Variants in RNF130 observed in about 807,000 individuals in gnomAD.
RNF130 encodes the protein ring finger protein 130.
Under a neutral mutation model 44.6 loss-of-function variants are expected in RNF130, and 21 were observed. The ratio of observed to expected loss-of-function variants is 0.47; its 90% CI spans 0.33 to 0.68. The LOEUF is 0.68. RNF130 is among the 30% of genes least tolerant of loss of function. The pLI is 0.02. For missense variants in RNF130, 479 were observed against 560.6 expected, an observed-to-expected ratio of 0.85 and a Z score of 1.47; for synonymous variants, 214 against 210.4, an observed-to-expected ratio of 1.02 and a Z score of -0.15.
At chr5:179,935,167 T>C (rs1358405847) in intron 7 of RNF130, among the ~76,000 whole-genome samples, 1 of 152,222 alleles carries the variant, frequency 6.6e-6, no homozygotes, top group Non-Finnish European at 1.5e-5. Context: ...ATTCTAATTA[T>C]CTTTTTGTTA....
chr5:179,919,212 C>A (rs1435429365), exon 8 of RNF130: 2 of 152,244 alleles, frequency 1.3e-5, no homozygotes, highest in Non-Finnish European at 2.9e-5. Flanking sequence ...ATTTTCTCAT[C>A]ATGTTAATTC....
At chr5:180,029,366 C>T (rs562179855) in intron 2 of RNF130, among the ~76,000 whole-genome samples, 6 of 152,142 alleles carry the variant, frequency 3.9e-5, no homozygotes, top group Non-Finnish European at 8.8e-5. Flanking sequence ...AGCATCTCCA[C>T]TGAGAACAGC....
intron 1 of RNF130, among the ~76,000 whole-genome samples, chr5:180,046,418 CTT>C (rs1012362670): frequency 6.6e-6 from 1 of 152,028 alleles, no homozygotes; most frequent in Non-Finnish European, 1.5e-5. Context: ...CTCTCCTCCT[CTT>C]TGATTCATTT....
At chr5:180,020,000 G>A (rs1763835181) in intron 2 of RNF130, among the ~76,000 whole-genome samples, 1 of 152,146 alleles carries the variant, frequency 6.6e-6, no homozygotes. Context: ...GAGGGAAACT[G>A]GGAGAAAACT....
At chr5:179,987,000 T>C (rs1320548282) in intron 3 of RNF130, among the ~76,000 whole-genome samples, 1 of 152,230 alleles carries the variant, frequency 6.6e-6, no homozygotes, top group Non-Finnish European at 1.5e-5. Flanking sequence ...GTACACAAAC[T>C]TTGTATTCTC....
chr5:180,043,282 G>C (rs1009064314), intron 1 of RNF130, among the ~76,000 whole-genome samples: 1 of 152,210 alleles, frequency 6.6e-6, no homozygotes, highest in African/African-American at 2.4e-5. Flanking sequence ...CTATGATCAT[G>C]TCGCTGCACT....
At chr5:179,983,251 T>G (rs534798231) in intron 3 of RNF130, among the ~76,000 whole-genome samples, 48 of 152,320 alleles carry the variant, frequency 3.2e-4, no homozygotes, top group African/African-American at 1.1e-3. Flanking sequence ...CTTCCCCGTT[T>G]TCTCTTCTAG....
intron 8 of RNF130, among the ~76,000 whole-genome samples, chr5:179,956,792 C>T (rs756731008): frequency 6.6e-6 from 1 of 152,232 alleles, no homozygotes; most frequent in African/African-American, 2.4e-5. Flanking sequence ...TCAGTACGCA[C>T]ATGAGGGCAT....
intron 1 of RNF130, among the ~76,000 whole-genome samples, chr5:180,045,607 T>C (rs1034283022): frequency 1.3e-5 from 2 of 152,194 alleles, no homozygotes; most frequent in African/African-American, 4.8e-5. Context: ...AATTGGTCAA[T>C]TTTACAGAGA....
chr5:179,917,420 T>C (rs1171478419), exon 8 of RNF130: 2 of 151,984 alleles, frequency 1.3e-5, no homozygotes, highest in Non-Finnish European at 2.9e-5. Context: ...TTCAAACAGT[T>C]CCCCCCTCAA....
intron 1 of RNF130, among the ~76,000 whole-genome samples, chr5:180,063,152 C>T (rs540135561): frequency 6.6e-6 from 1 of 152,222 alleles, no homozygotes; most frequent in African/African-American, 2.4e-5. Context: ...CAAGCAGTAA[C>T]ATGACTGGGT....
rs1182581514 is a variant in RNF130 at position 179,978,208 on chromosome 5, G to A, written c.843C>T (p.Pro281=). Residue 281 remains proline (P), a synonymous_variant, in exon 5 of 9, where the codon CCC becomes CCT. Coordinates refer to ENST00000521389, the MANE Select transcript of RNF130 (RefSeq NM_018434.6). ...AACAAATGAAGTTGACATACTTGCA[G>A]GGGAGAATTCGGACGACATCATTCT... is the stretch of plus-strand genomic sequence containing the variant. ...YKQNDVVRIL[P]CKHVFHKSCV... The A allele has an allele frequency of 1.2e-6, 2 of 1,610,884 alleles. No individual in the cohort carries two copies. The highest frequency in any genetic ancestry group is 1.7e-6 in the Non-Finnish European group (2 of 1,176,994).
At chr5:180,071,373 C>G in intron 1 of RNF130, 83 bp downstream of exon 1, 1 of 1,199,522 alleles carries the variant, frequency 8.3e-7, no homozygotes, top group Non-Finnish European at 1.0e-6. Context: ...GAGCCAGGGC[C>G]AGAGCCGGGG....
intron 3 of RNF130, among the ~76,000 whole-genome samples, chr5:179,991,608 T>C (rs571634248): frequency 2.6e-5 from 4 of 152,310 alleles, no homozygotes; most frequent in African/African-American, 4.8e-5. Context: ...GGGATGTTTT[T>C]CTTCCACTTG....
At chr5:180,058,523 G>C (rs976280453) in intron 1 of RNF130, among the ~76,000 whole-genome samples, 1 of 152,120 alleles carries the variant, frequency 6.6e-6, no homozygotes, top group African/African-American at 2.4e-5. Context: ...TGCGGCAGAG[G>C]GGGTAATGGA....
chr5:179,968,100 C>A (rs1762490659), intron 6 of RNF130, among the ~76,000 whole-genome samples: 1 of 150,784 alleles, frequency 6.6e-6, no homozygotes, highest in Non-Finnish European at 1.5e-5. Flanking sequence ...TCGAGACCAT[C>A]CTGGCTAACA....
At chr5:179,932,399 A>G (rs1761821705) in intron 7 of RNF130, among the ~76,000 whole-genome samples, 1 of 151,958 alleles carries the variant, frequency 6.6e-6, no homozygotes, top group Admixed American at 6.6e-5. Context: ...CTGGGACTAC[A>G]GACATGCGCC....
intron 1 of RNF130, among the ~76,000 whole-genome samples, chr5:180,068,036 T>G (rs1360343973): frequency 6.6e-6 from 1 of 152,228 alleles, no homozygotes; most frequent in African/African-American, 2.4e-5. Context: ...TTTGGTAAAA[T>G]TATTCTCTAA....
At chr5:179,931,544 G>A (rs1277486834) in intron 7 of RNF130, among the ~76,000 whole-genome samples, 7 of 151,874 alleles carry the variant, frequency 4.6e-5, no homozygotes, top group African/African-American at 7.3e-5. Context: ...CGAGGTGGGC[G>A]GATCACCTGA....
Sources: gnomAD v4.1 joint callset for allele counts (sites outside exome capture counted in the v4.1 genomes callset) on GRCh38, gnomAD v4.1.1 for gene constraint, MANE v1.5 for transcripts, NCBI Gene and HGNC (gene_info 2026-07-23, HGNC 2026-07-21) for gene names.